Variants in MSI2 observed in about 807,000 individuals in gnomAD.
MSI2 encodes musashi RNA binding protein 2, also known as RNA-binding protein Musashi homolog 2.
In MSI2, 17 loss-of-function variants were observed where a neutral mutation model predicts 45.6. The observed-to-expected ratio is 0.37, with a 90% CI of 0.26 to 0.56. The LOEUF is 0.56. MSI2 is among the 20% of genes least tolerant of loss of function. MSI2 has a pLI of 0.77. For synonymous variants in MSI2, 156 were observed against 158.2 expected (o/e 0.99, Z 0.11); for missense variants, 293 against 444.2 (o/e 0.66, Z 3.06).
intron 7 of MSI2, among the ~76,000 whole-genome samples, chr17:57,570,513 A>C (rs774934352): frequency 2.6e-5 from 4 of 152,188 alleles, no homozygotes; most frequent in Non-Finnish European, 5.9e-5. Context: ...CTCTTCCAGC[A>C]GGTAAAAATG....
At chr17:57,370,243 T>C (rs1427269563) in intron 5 of MSI2, among the ~76,000 whole-genome samples, 1 of 152,254 alleles carries the variant, frequency 6.6e-6, no homozygotes, top group Non-Finnish European at 1.5e-5. Context: ...TGATTGTTGC[T>C]GCTGTTTGCG....
Position 57,682,273 on chromosome 17 carries a change from C to G in MSI2, c.*2756C>G, listed in dbSNP as rs1325969356. 5.3e-6 allele frequency: 1 copy of G among 187,380 alleles called. No homozygotes were observed. Among genetic ancestry groups the G allele is most frequent in the African/African-American group, 2.4e-5 (1 of 42,134 alleles). The allele number at this position is 187,380 out of a possible 1,614,324, so 11.6% of individuals were successfully genotyped here. On this transcript the variant is annotated 3_prime_UTR_variant, in exon 14 of 14. Transcript: ENST00000284073. ...GATGTGGTTTCAACTAACCCAAGGTCTCACCATGTTAAAATGCCGGCGGAC... is the reference window on the plus strand; with the variant it reads ...GATGTGGTTTCAACTAACCCAAGGTGTCACCATGTTAAAATGCCGGCGGAC...
At chr17:57,411,961 C>T (rs1056457255) in intron 6 of MSI2, among the ~76,000 whole-genome samples, 4 of 149,130 alleles carry the variant, frequency 2.7e-5, no homozygotes, top group African/African-American at 9.8e-5. Flanking sequence ...GAGCCAAGAT[C>T]ACACCATTGC....
intron 5 of MSI2, among the ~76,000 whole-genome samples, chr17:57,332,333 T>A (rs145399978): frequency 6.6e-6 from 1 of 152,168 alleles, no homozygotes; most frequent in African/African-American, 2.4e-5. Context: ...ACTCCTGACC[T>A]CAAGTGATCT....
chr17:57,336,455 C>T (rs998714210), intron 5 of MSI2, among the ~76,000 whole-genome samples: 4 of 152,044 alleles, frequency 2.6e-5, no homozygotes, highest in Admixed American at 6.5e-5. Flanking sequence ...CTTCTTTTTT[C>T]GGGGTAATAC....
At chr17:57,369,163 T>A (rs1228165560) in intron 5 of MSI2, among the ~76,000 whole-genome samples, 26 of 152,236 alleles carry the variant, frequency 1.7e-4, no homozygotes, top group Admixed American at 1.7e-3. Context: ...GTGCTGTTTG[T>A]ACCATTTTCG....
intron 8 of MSI2, among the ~76,000 whole-genome samples, chr17:57,602,447 G>A (rs879621638): frequency 6.6e-6 from 1 of 152,172 alleles, no homozygotes; most frequent in Admixed American, 6.5e-5. Flanking sequence ...CTGCCTCCCA[G>A]GTCTGAGTGA....
intron 5 of MSI2, among the ~76,000 whole-genome samples, chr17:57,344,687 A>G (rs575922567): frequency 1.3e-5 from 2 of 152,220 alleles, no homozygotes; most frequent in Non-Finnish European, 2.9e-5. Flanking sequence ...CATGCATCAT[A>G]TACATACATA....
At chr17:57,581,604 G>A (rs537029184) in intron 7 of MSI2, among the ~76,000 whole-genome samples, 4 of 152,130 alleles carry the variant, frequency 2.6e-5, no homozygotes, top group East Asian at 1.9e-4. Context: ...TCGCTGTCTC[G>A]TGAGTTTCTC....
At chr17:57,454,578 A>G (rs1406498006) in intron 6 of MSI2, among the ~76,000 whole-genome samples, 1 of 151,622 alleles carries the variant, frequency 6.6e-6, no homozygotes, top group South Asian at 2.1e-4. Context: ...CTGGGATTAC[A>G]GGCACCCGCC....
chr17:57,360,395 G>C (rs1816020619), intron 5 of MSI2, among the ~76,000 whole-genome samples: 1 of 152,232 alleles, frequency 6.6e-6, no homozygotes, highest in African/African-American at 2.4e-5. Context: ...GGAGAGGCTA[G>C]TCAGCCCTTG....
intron 6 of MSI2, among the ~76,000 whole-genome samples, chr17:57,508,663 G>A (rs1251347883): frequency 6.6e-6 from 1 of 152,208 alleles, no homozygotes; most frequent in Non-Finnish European, 1.5e-5. Context: ...TTTTGGTTCA[G>A]ATGCCATCAG....
At chr17:57,293,595 G>GTTTTTTTTTTTTTTTTTTTTTTTT (rs71139983) in intron 5 of MSI2, among the ~76,000 whole-genome samples, 15 of 134,650 alleles carry the variant, frequency 1.1e-4, no homozygotes, top group South Asian at 2.2e-4. Context: ...TTGTTTTTTT[G>GTTTTTTTTTTTTTTTTTTTTTTTT]TTTTTTTTTT....
chr17:57,257,839 T>C (rs935775805), intron 3 of MSI2, among the ~76,000 whole-genome samples: 4 of 115,280 alleles, frequency 3.5e-5, no homozygotes, highest in Non-Finnish European at 8.1e-5. Context: ...TTTCGCATAG[T>C]TTTTTTTTTT....
chr17:57,416,495 T>C (rs2084296871), intron 6 of MSI2, among the ~76,000 whole-genome samples: 1 of 152,196 alleles, frequency 6.6e-6, no homozygotes, highest in Non-Finnish European at 1.5e-5. Context: ...TGCAAGTTAT[T>C]TCAAAAGGCC....
intron 5 of MSI2, among the ~76,000 whole-genome samples, chr17:57,319,054 T>C (rs911121101): frequency 2.0e-5 from 3 of 152,220 alleles, no homozygotes; most frequent in Admixed American, 2.0e-4. Flanking sequence ...TGTGGGGAGC[T>C]GTGGCCGTAG....
intron 6 of MSI2, among the ~76,000 whole-genome samples, chr17:57,446,073 G>A (rs920747): frequency 0.19 from 28,563 of 152,002 alleles, 3,082 homozygotes; most frequent in Non-Finnish European, 0.23. Flanking sequence ...ACAAATACAC[G>A]AACACACTCC....
At chr17:57,459,695 C>T (rs564739759) in intron 6 of MSI2, among the ~76,000 whole-genome samples, 1 of 152,102 alleles carries the variant, frequency 6.6e-6, no homozygotes, top group African/African-American at 2.4e-5. Context: ...GAACATTTAA[C>T]GAAAGTATGG....
chr17:57,696,963 A>G, the MSI2 span, among the ~76,000 whole-genome samples: 1 of 152,136 alleles, frequency 6.6e-6, no homozygotes, highest in Non-Finnish European at 1.5e-5. Flanking sequence ...AATACACAGC[A>G]TGATGAGCTT....
Sources: allele counts gnomAD v4.1 joint callset (sites outside exome capture counted in the v4.1 genomes callset), GRCh38; gene constraint gnomAD v4.1.1; transcripts MANE v1.5; gene names NCBI Gene and HGNC (gene_info 2026-07-23, HGNC 2026-07-21).